CCDC50: variants seen among roughly 807,000 people sequenced by gnomAD.
The protein encoded by CCDC50 is coiled-coil domain-containing protein 50.
A neutral mutation model predicts 70.2 loss-of-function variants in CCDC50; 54 were observed. The observed-to-expected ratio is 0.77, with a 90% CI of 0.62 to 0.96. The LOEUF (loss-of-function observed/expected upper bound fraction) is 0.96. Among genes scored for constraint, CCDC50 ranks in the 50% least tolerant of loss-of-function variants. The pLI is 0.00. For missense variants in CCDC50, 558 were observed against 578.7 expected, an observed-to-expected ratio of 0.96 and a Z score of 0.37; for synonymous variants, 216 against 198.8, an observed-to-expected ratio of 1.09 and a Z score of -0.73.
At chr3:191,387,779 A>G (rs1482490208) in intron 10 of CCDC50, among the ~76,000 whole-genome samples, 1 of 152,136 alleles carries the variant, frequency 6.6e-6, no homozygotes, top group Non-Finnish European at 1.5e-5. Flanking sequence ...ATGGTGAGGC[A>G]CTAATCATGG....
At chr3:191,334,418 C>T (rs549356777) in intron 1 of CCDC50, among the ~76,000 whole-genome samples, 1 of 152,190 alleles carries the variant, frequency 6.6e-6, no homozygotes, top group African/African-American at 2.4e-5. Flanking sequence ...ACTTAACGGA[C>T]GACTCACACG....
chr3:191,383,979 A>C (rs1713407391), intron 10 of CCDC50, among the ~76,000 whole-genome samples: 1 of 152,152 alleles, frequency 6.6e-6, no homozygotes, highest in African/African-American at 2.4e-5. Flanking sequence ...AATCATCTTT[A>C]GGCTTAATTC....
At chr3:191,357,019 ATCCTT>A in intron 1 of CCDC50, 64 bp from the exon 2 acceptor site, 2 of 990,092 alleles carry the variant, frequency 2.0e-6, no homozygotes, top group Admixed American at 3.6e-5. Flanking sequence ...AAAAAAAAAA[ATCCTT>A]TCCTTTGTAT....
Position 191,348,087 on chromosome 3 carries a change from A to G in CCDC50, c.50-9001A>G, listed in dbSNP as rs572488156. On this transcript the variant is annotated intron_variant, in intron 1 of 11. Coordinates refer to ENST00000392455, the MANE Select transcript of CCDC50 (RefSeq NM_178335.3). ...GTGCTACAGTTCTATCCTGTAAACTACGTGCTATGAAAGCACTGAAAGAAA... is the reference window on the plus strand; with the variant it reads ...GTGCTACAGTTCTATCCTGTAAACTGCGTGCTATGAAAGCACTGAAAGAAA... Among the ~76,000 whole-genome samples, 4 of 142,492 alleles carry G rather than the reference A, an allele frequency of 2.8e-5. 2 individuals are homozygous for G. Among genetic ancestry groups the G allele is most frequent in the Non-Finnish European group, 6.3e-5 (4 of 63,186 alleles). 93.5% of individuals were successfully genotyped at this position (142,492 alleles called of 152,430 possible).
At chr3:191,380,646 T>G (rs369630700) in intron 7 of CCDC50, 41 bp from the exon 8 acceptor site, 4 of 1,579,044 alleles carry the variant, frequency 2.5e-6, no homozygotes, top group Non-Finnish European at 3.5e-6. Context: ...ACAACATAGA[T>G]TCCAATTAAA....
At chr3:191,362,676 T>A (rs1349182253) in intron 4 of CCDC50, among the ~76,000 whole-genome samples, 1 of 152,224 alleles carries the variant, frequency 6.6e-6, no homozygotes. Flanking sequence ...ATGATCATCA[T>A]GTTAAATAGA....
Position 191,350,641 on chromosome 3 carries a change from T to C in CCDC50, c.50-6447T>C, listed in dbSNP as rs578030739. On this transcript the variant is annotated intron_variant, in intron 1 of 11. Transcript: ENST00000392455. ...GAAAGCACTGGGAATGTGCACATTA[T>C]TTGGATAATGTGTGAAAGGAACGTG... Among the ~76,000 whole-genome samples the C allele has an allele frequency of 3.2e-4, 46 of 141,850 alleles. 7 individuals carry two copies. Among genetic ancestry groups the C allele is most frequent in the Admixed American group, 1.7e-3 (24 of 13,868 alleles). 93.1% of individuals were successfully genotyped at this position (141,850 alleles called of 152,430 possible).
intron 1 of CCDC50, among the ~76,000 whole-genome samples, chr3:191,356,690 T>C (rs1262677442): frequency 6.6e-6 from 1 of 152,216 alleles, no homozygotes; most frequent in Non-Finnish European, 1.5e-5. Context: ...ACACCTCTAA[T>C]TATGCAGTAA....
intron 5 of CCDC50, among the ~76,000 whole-genome samples, chr3:191,371,111 G>A (rs1421887371): frequency 6.6e-6 from 1 of 152,082 alleles, no homozygotes; most frequent in Non-Finnish European, 1.5e-5. Context: ...GCCTGCTGAT[G>A]ACAAACAATA....
chr3:191,351,006 TG>T (rs2108643843), intron 1 of CCDC50, among the ~76,000 whole-genome samples: 1 of 140,394 alleles, frequency 7.1e-6, no homozygotes, highest in East Asian at 1.9e-4. Flanking sequence ...GTGGGGGATG[TG>T]GCAGGGGTTG....
intron 10 of CCDC50, among the ~76,000 whole-genome samples, chr3:191,386,318 G>A (rs753129114): frequency 1.5e-4 from 21 of 144,794 alleles, no homozygotes; most frequent in Non-Finnish European, 2.2e-4. Flanking sequence ...TCTGCCTCCT[G>A]GGTTCAAGCG....
chr3:191,379,557 C>A (rs1056500738), intron 6 of CCDC50, among the ~76,000 whole-genome samples: 2 of 152,094 alleles, frequency 1.3e-5, no homozygotes, highest in Admixed American at 6.6e-5. Flanking sequence ...CCTAAGATGT[C>A]ACAGTGCTAT....
chr3:191,388,763 T>C (rs1238108378), intron 10 of CCDC50, among the ~76,000 whole-genome samples: 1 of 152,216 alleles, frequency 6.6e-6, no homozygotes, highest in African/African-American at 2.4e-5. Flanking sequence ...ATCTTTGATA[T>C]ATTGATAAAT....
chr3:191,364,050 G>C (rs1281258602), intron 4 of CCDC50, among the ~76,000 whole-genome samples: 1 of 151,726 alleles, frequency 6.6e-6, no homozygotes, highest in African/African-American at 2.4e-5. Flanking sequence ...AATTGCTTGT[G>C]ACTAATGAAC....
rs1462457472 is a variant in CCDC50 at position 191,352,277 on chromosome 3, T to G, written c.50-4811T>G. ...TATTGAGTAAATGGTGTTGATTAGGTGCATACTATGCCATTCATGTATTTA... is the reference window on the plus strand; with the variant it reads ...TATTGAGTAAATGGTGTTGATTAGGGGCATACTATGCCATTCATGTATTTA... On this transcript the variant is annotated intron_variant, in intron 1 of 11. Coordinates refer to ENST00000392455, the MANE Select transcript of CCDC50 (RefSeq NM_178335.3). Among the ~76,000 whole-genome samples, 2 of 142,292 alleles carry G rather than the reference T, an allele frequency of 1.4e-5. 1 individual carries two copies. Among genetic ancestry groups the G allele is most frequent in the African/African-American group, 5.0e-5 (2 of 39,942 alleles). The allele number at this position is 142,292 out of a possible 152,430, so 93.3% of individuals were successfully genotyped here.
In CCDC50 at chr3:191,397,002, T is replaced by C. The variant is rs186621974; in HGVS notation, c.*5242T>C. On this transcript the variant is annotated 3_prime_UTR_variant, in exon 12 of 12. Transcript: ENST00000392455. ...CTCTTTTTGAGTTAACTTCATAGCA[T>C]AGAGAACCAGCACTGTGCAGGTTTC... 92 of 152,318 alleles carry C rather than the reference T, an allele frequency of 6.0e-4. 1 individual carries two copies. Among genetic ancestry groups the C allele is most frequent in the African/African-American group, 2.0e-3 (82 of 41,580 alleles). 9.4% of individuals were successfully genotyped at this position (152,318 alleles called of 1,614,324 possible).
At chr3:191,391,452 T>A (rs1219570677) in intron 11 of CCDC50, among the ~76,000 whole-genome samples, 2 of 152,186 alleles carry the variant, frequency 1.3e-5, no homozygotes, top group Non-Finnish European at 2.9e-5. Flanking sequence ...CACCTCAACT[T>A]CCATCAGTTG....
rs747653766 is a variant in CCDC50 at position 191,380,140 on chromosome 3, T to G, written c.977-19T>G. Reference sequence around the variant, plus strand: ...TCCTCGGTTGTTTTATTACATTGAGTTTTTTTTTTTTTTTAAAGGAATGAA... The same window carrying G: ...TCCTCGGTTGTTTTATTACATTGAGGTTTTTTTTTTTTTTAAAGGAATGAA... On this transcript the variant is annotated intron_variant, in intron 6 of 11. Transcript: ENST00000392455. The G allele has an allele frequency of 6.0e-6, 4 of 662,992 alleles. No individual in the cohort carries two copies. The highest frequency in any genetic ancestry group is 2.8e-5 in the African/African-American group (1 of 35,428). 41.1% of individuals were successfully genotyped at this position (662,992 alleles called of 1,614,324 possible).
At chr3:191,383,809 T>A (rs1173917112) in intron 10 of CCDC50, among the ~76,000 whole-genome samples, 2 of 152,220 alleles carry the variant, frequency 1.3e-5, no homozygotes, top group Non-Finnish European at 2.9e-5. Flanking sequence ...TATAAAATCT[T>A]TCTGTTGTAG....
Sources: gnomAD v4.1 joint callset for allele counts (sites outside exome capture counted in the v4.1 genomes callset) on GRCh38, gnomAD v4.1.1 for gene constraint, MANE v1.5 for transcripts, NCBI Gene and HGNC (gene_info 2026-07-23, HGNC 2026-07-21) for gene names.